The following NRG1 variants were observed in gnomAD, a reference collection of about 807,000 sequenced individuals.
NRG1 encodes neuregulin 1, also known as pro-neuregulin-1, membrane-bound isoform.
Under a neutral mutation model 63.8 loss-of-function variants are expected in NRG1, and 18 were observed. The ratio of observed to expected loss-of-function variants is 0.28; its 90% confidence interval spans 0.19 to 0.42. NRG1 has a LOEUF of 0.42. Ranked by LOEUF, NRG1 falls within the 10% of genes least tolerant of loss-of-function variation. The probability of loss-of-function intolerance (pLI) is 1.00; values close to 1 mark genes in which losing one functional copy is unlikely to be tolerated. For synonymous variants in NRG1, 302 were observed against 301.3 expected (o/e 1.00, Z -0.02); for missense variants, 762 against 814.7 (o/e 0.94, Z 0.79).
At chr8:32,332,335 C>G (rs16879136) in intron 1 of NRG1, among the ~76,000 whole-genome samples, 14,393 of 152,086 alleles carry the variant, frequency 0.095, 950 homozygotes, top group African/African-American at 0.18. Flanking sequence ...CCCACTTTCT[C>G]TCTGGCCAAG....
intron 1 of NRG1, among the ~76,000 whole-genome samples, chr8:32,072,922 T>C (rs1825959760): frequency 6.6e-6 from 1 of 152,084 alleles, no homozygotes; most frequent in Non-Finnish European, 1.5e-5. Flanking sequence ...TTAACATCTC[T>C]TGTGTGAAGG....
chr8:32,081,540 G>A (rs773262317), intron 1 of NRG1, among the ~76,000 whole-genome samples: 22 of 152,140 alleles, frequency 1.4e-4, no homozygotes, highest in Non-Finnish European at 2.8e-4. Flanking sequence ...GATTAGTGGG[G>A]TAGTAGAGAT....
chr8:32,744,764 G>C (rs1219584245), intron 7 of NRG1, among the ~76,000 whole-genome samples: 3 of 152,050 alleles, frequency 2.0e-5, no homozygotes, highest in Non-Finnish European at 2.9e-5. Flanking sequence ...CTATTTCCCA[G>C]CATAATTATG....
chr8:31,894,553 CTTTT>C (rs397892970), intron 1 of NRG1, among the ~76,000 whole-genome samples: 1 of 91,930 alleles, frequency 1.1e-5, no homozygotes. Context: ...TTTCTTTTTT[CTTTT>C]TTTTTTTTTT....
At position 32,671,641 on chromosome 8, in the gene NRG1, A is replaced by G. The variant is rs139490844; in HGVS notation, c.502+54756A>G. Among the ~76,000 whole-genome samples, 48 of 152,298 alleles carry G rather than the reference A, an allele frequency of 3.2e-4. No individual in the cohort carries two copies. The East Asian group carries it at 9.0e-3, about 29-fold the overall frequency. On this transcript the variant is annotated intron_variant, in intron 5 of 11. Transcript: ENST00000356819. The stretch of plus-strand genomic sequence containing the variant: ...CCACCTTTTTCTTGTTTTAATTCTT[A>G]AAATATGAATTTTTAAATATAAGGA...
chr8:31,764,342 T>G (rs1817845890), intron 1 of NRG1, among the ~76,000 whole-genome samples: 1 of 152,170 alleles, frequency 6.6e-6, no homozygotes, highest in Non-Finnish European at 1.5e-5. Flanking sequence ...AAATAGCATT[T>G]TCATCACTAC....
chr8:32,164,247 G>GAAA (rs112518796), intron 1 of NRG1, among the ~76,000 whole-genome samples: 23 of 149,604 alleles, frequency 1.5e-4, no homozygotes, highest in Admixed American at 2.0e-4. Context: ...CCATCTGAAA[G>GAAA]AAAAAAAAAA....
chr8:32,511,715 T>C (rs1170664611), intron 1 of NRG1, among the ~76,000 whole-genome samples: 1 of 152,108 alleles, frequency 6.6e-6, no homozygotes, highest in Admixed American at 6.6e-5. Flanking sequence ...CCATACGTGC[T>C]CATGGATAAA....
chr8:32,676,140 T>G (rs1807052372), intron 5 of NRG1, among the ~76,000 whole-genome samples: 1 of 152,208 alleles, frequency 6.6e-6, no homozygotes. Context: ...CAAGTCCATC[T>G]GCCTCATTTT....
intron 1 of NRG1, among the ~76,000 whole-genome samples, chr8:31,737,761 A>C (rs1478593692): frequency 1.3e-5 from 2 of 152,210 alleles, no homozygotes; most frequent in Non-Finnish European, 2.9e-5. Flanking sequence ...TTGTCCCTTA[A>C]GGTCTGTTCT....
intron 1 of NRG1, among the ~76,000 whole-genome samples, chr8:32,196,784 A>G (rs527451851): frequency 1.3e-5 from 2 of 152,108 alleles, no homozygotes; most frequent in South Asian, 2.1e-4. Flanking sequence ...AAAGTCTGTG[A>G]ACCAAAGGCA....
intron 5 of NRG1, among the ~76,000 whole-genome samples, chr8:32,717,628 ATGT>A (rs1281654114): frequency 3.3e-5 from 5 of 152,156 alleles, no homozygotes; most frequent in African/African-American, 1.2e-4. Context: ...AGTGAGGAAA[ATGT>A]TGTGTTTGTG....
intron 1 of NRG1, among the ~76,000 whole-genome samples, chr8:31,878,410 G>A (rs1045109720): frequency 2.0e-5 from 3 of 152,122 alleles, no homozygotes; most frequent in African/African-American, 4.8e-5. Flanking sequence ...AATTATGTAC[G>A]AGTGCAATAA....
intron 1 of NRG1, among the ~76,000 whole-genome samples, chr8:31,807,946 CGCGTGT>C (rs1261300925): frequency 1.4e-5 from 1 of 69,390 alleles, no homozygotes; most frequent in Non-Finnish European, 3.5e-5. Flanking sequence ...CAAGAGTATT[CGCGTGT>C]GTGTGTGTGT....
rs1806812142 is a variant in NRG1 at position 32,675,377 on chromosome 8, T to C, written c.503-52572T>C. Among the ~76,000 whole-genome samples, 2 of 152,186 alleles carry C rather than the reference T, an allele frequency of 1.3e-5. 1 individual carries two copies. The highest frequency in any genetic ancestry group is 4.1e-4 in the South Asian group (2 of 4,836). ...TGATTTAGACTCCTTACACATTAAT[T>C]AAGAGAAGCACTTTTGTGGATGTTC... On this transcript the variant is annotated intron_variant, in intron 5 of 11. Transcript: ENST00000356819.
intron 1 of NRG1, among the ~76,000 whole-genome samples, chr8:31,845,010 G>C (rs1826547169): frequency 6.6e-6 from 1 of 152,054 alleles, no homozygotes; most frequent in Non-Finnish European, 1.5e-5. Flanking sequence ...GGGAGGCTGA[G>C]GCAGGAGAAT....
chr8:32,174,332 C>A (rs1350863946), intron 1 of NRG1, among the ~76,000 whole-genome samples: 3 of 152,064 alleles, frequency 2.0e-5, no homozygotes, highest in South Asian at 2.1e-4. Context: ...ACATTCAAAG[C>A]AGTGTGTAGA....
At chr8:32,048,446 CATATATATATATATAT>C (rs869311093) in intron 1 of NRG1, among the ~76,000 whole-genome samples, 1 of 6,712 alleles carries the variant, frequency 1.5e-4, no homozygotes, top group African/African-American at 1.7e-4. Flanking sequence ...TATATACATA[CATATATATATATATAT>C]ATATATATAT....
chr8:32,048,810 C>T (rs1250039368), intron 1 of NRG1, among the ~76,000 whole-genome samples: 1 of 151,670 alleles, frequency 6.6e-6, no homozygotes, highest in Non-Finnish European at 1.5e-5. Context: ...GTTTTTTAAT[C>T]GGGTTGTTTT....
Sources: gnomAD v4.1 joint callset for allele counts (sites outside exome capture counted in the v4.1 genomes callset) on GRCh38, gnomAD v4.1.1 for gene constraint, MANE v1.5 for transcripts, NCBI Gene and HGNC (gene_info 2026-07-23, HGNC 2026-07-21) for gene names.